KHDRBS2: variants seen among roughly 807,000 people sequenced by gnomAD.
KHDRBS2 encodes the protein KH RNA binding domain containing, signal transduction associated 2.
In KHDRBS2, 26 loss-of-function variants were observed where a neutral mutation model predicts 44.3. The observed-to-expected ratio is 0.59, with a 90% CI of 0.43 to 0.81. KHDRBS2 has a LOEUF of 0.81. KHDRBS2 is among the 40% of genes least tolerant of loss of function. The pLI is 0.00. For missense variants in KHDRBS2, 476 were observed against 433.1 expected (o/e 1.10, Z -0.88); for synonymous variants, 194 against 151.1 (o/e 1.28, Z -2.08).
chr6:62,238,856 C>A (rs1338427587), intron 1 of KHDRBS2, among the ~76,000 whole-genome samples: 2 of 152,100 alleles, frequency 1.3e-5, no homozygotes, highest in East Asian at 1.9e-4. Context: ...CAATAATGTG[C>A]TTTCTCATGT....
At chr6:61,876,943 A>ACAAT (rs1799493231) in intron 6 of KHDRBS2, among the ~76,000 whole-genome samples, 1 of 152,058 alleles carries the variant, frequency 6.6e-6, no homozygotes. Flanking sequence ...CAAATACAAT[A>ACAAT]GGTGGTATAC....
chr6:61,984,154 C>T (rs1774554198), intron 3 of KHDRBS2, among the ~76,000 whole-genome samples: 2 of 152,280 alleles, frequency 1.3e-5, no homozygotes, highest in African/African-American at 4.8e-5. Flanking sequence ...ACCATGACTA[C>T]AGCCATACCA....
intron 4 of KHDRBS2, among the ~76,000 whole-genome samples, chr6:61,950,738 C>A (rs1377893270): frequency 6.6e-6 from 1 of 151,988 alleles, no homozygotes; most frequent in African/African-American, 2.4e-5. Flanking sequence ...TAAGGTGAGG[C>A]TGAATGCCAA....
chr6:62,062,462 G>C (rs976152716), intron 2 of KHDRBS2, among the ~76,000 whole-genome samples: 3 of 151,614 alleles, frequency 2.0e-5, no homozygotes, highest in Non-Finnish European at 2.9e-5. Context: ...CTAGAACTCA[G>C]GATTAAGAAT....
At chr6:61,914,523 G>A (rs868002630) in intron 4 of KHDRBS2, among the ~76,000 whole-genome samples, 2 of 148,126 alleles carry the variant, frequency 1.4e-5, no homozygotes, top group African/African-American at 2.5e-5. Flanking sequence ...GTAGGGGGAG[G>A]GGGGAGGGAT....
chr6:61,840,417 A>C (rs1190558420), intron 6 of KHDRBS2, among the ~76,000 whole-genome samples: 1 of 152,130 alleles, frequency 6.6e-6, no homozygotes, highest in East Asian at 1.9e-4. Context: ...AATATAAATA[A>C]TGACTAAAGC....
intron 6 of KHDRBS2, among the ~76,000 whole-genome samples, chr6:61,772,103 A>G (rs940540744): frequency 6.6e-6 from 1 of 152,208 alleles, no homozygotes; most frequent in Non-Finnish European, 1.5e-5. Flanking sequence ...AGGCAGACAT[A>G]AAGATGTTCT....
chr6:61,805,079 C>T (rs1283155457), intron 6 of KHDRBS2, among the ~76,000 whole-genome samples: 2 of 152,140 alleles, frequency 1.3e-5, no homozygotes, highest in Non-Finnish European at 2.9e-5. Flanking sequence ...AGTTCCGATT[C>T]CAAACCATCT....
intron 6 of KHDRBS2, among the ~76,000 whole-genome samples, chr6:61,763,088 C>A (rs115753428): frequency 6.6e-6 from 1 of 152,238 alleles, no homozygotes; most frequent in African/African-American, 2.4e-5. Context: ...TAACCTCCTT[C>A]CAATTGCCCA....
intron 8 of KHDRBS2, among the ~76,000 whole-genome samples, chr6:61,693,035 T>G (rs907938762): frequency 2.6e-5 from 4 of 152,256 alleles, no homozygotes; most frequent in African/African-American, 9.6e-5. Flanking sequence ...AGCATGAAAG[T>G]GAATGAATAA....
intron 3 of KHDRBS2, among the ~76,000 whole-genome samples, chr6:62,007,648 TAA>T (rs1779507093): frequency 6.6e-6 from 1 of 151,754 alleles, no homozygotes; most frequent in African/African-American, 2.4e-5. Context: ...AGGTAAGGAA[TAA>T]ATATATACCA....
intron 6 of KHDRBS2, among the ~76,000 whole-genome samples, chr6:61,838,596 T>C (rs902977317): frequency 2.6e-5 from 4 of 152,014 alleles, no homozygotes; most frequent in African/African-American, 9.7e-5. Flanking sequence ...AATTCAGGAA[T>C]GATATAAAAG....
chr6:62,232,003 T>A (rs1436249209), intron 1 of KHDRBS2, among the ~76,000 whole-genome samples: 1 of 152,192 alleles, frequency 6.6e-6, no homozygotes, highest in African/African-American at 2.4e-5. Context: ...TGTTTTGAAA[T>A]AATTTGCCTG....
At chr6:61,924,074 A>G (rs1383908755) in intron 4 of KHDRBS2, among the ~76,000 whole-genome samples, 3 of 152,108 alleles carry the variant, frequency 2.0e-5, no homozygotes, top group Non-Finnish European at 4.4e-5. Flanking sequence ...TAAATTAGAT[A>G]TAATCTGGCA....
Position 61,917,930 on chromosome 6 carries a change from T to G in KHDRBS2, c.484-16559A>C, listed in dbSNP as rs187776378. Among the ~76,000 whole-genome samples, 241 of 152,146 alleles carry G rather than the reference T, an allele frequency of 1.6e-3. 1 individual carries two copies. Among genetic ancestry groups the G allele is most frequent in the Non-Finnish European group, 2.8e-3 (189 of 67,934 alleles). ...TTAAAAAGTCATATTGCTAAATAAGTACTTTCTCCCTCCTCTTTAGGGATA... is the reference window on the plus strand; with the variant it reads ...TTAAAAAGTCATATTGCTAAATAAGGACTTTCTCCCTCCTCTTTAGGGATA... On this transcript the variant is annotated intron_variant, in intron 4 of 8. Transcript: ENST00000281156.
At chr6:61,627,049 C>T in the KHDRBS2 span, among the ~76,000 whole-genome samples, 5 of 151,544 alleles carry the variant, frequency 3.3e-5, no homozygotes, top group South Asian at 2.1e-4. Flanking sequence ...GTCAGGAGAT[C>T]GAGACCATCC....
At chr6:61,774,878 T>C (rs1781678019) in intron 6 of KHDRBS2, among the ~76,000 whole-genome samples, 1 of 152,098 alleles carries the variant, frequency 6.6e-6, no homozygotes, top group Non-Finnish European at 1.5e-5. Flanking sequence ...TGAACATCAA[T>C]GCAAAAATCC....
chr6:61,969,725 G>T (rs1770916497), intron 4 of KHDRBS2, among the ~76,000 whole-genome samples: 1 of 151,844 alleles, frequency 6.6e-6, no homozygotes, highest in African/African-American at 2.4e-5. Flanking sequence ...TTCATCAGAT[G>T]GCATTTTCAA....
intron 4 of KHDRBS2, among the ~76,000 whole-genome samples, chr6:61,964,345 G>A (rs906621508): frequency 3.3e-5 from 5 of 151,974 alleles, no homozygotes; most frequent in Non-Finnish European, 4.4e-5. Context: ...GAGAATGACG[G>A]CACAAGCAAT....
Sources: gnomAD v4.1 joint callset for allele counts (sites outside exome capture counted in the v4.1 genomes callset) on GRCh38, gnomAD v4.1.1 for gene constraint, MANE v1.5 for transcripts, NCBI Gene and HGNC (gene_info 2026-07-23, HGNC 2026-07-21) for gene names.